The following CACNG2 variants were observed in gnomAD, a reference collection of about 807,000 sequenced individuals.
CACNG2 encodes the protein calcium voltage-gated channel auxiliary subunit gamma 2.
CACNG2 carries 3 observed loss-of-function variants against 25.9 expected under a neutral mutation model. That is an observed-to-expected ratio of 0.12 (90% confidence interval 0.05 to 0.30). CACNG2 has a LOEUF of 0.30. CACNG2 is among the 10% of genes least tolerant of loss of function. The pLI is 1.00. For missense variants in CACNG2, 341 were observed against 432.5 expected (o/e 0.79, Z 1.88); for synonymous variants, 167 against 173.3 (o/e 0.96, Z 0.29).
intron 1 of CACNG2, among the ~76,000 whole-genome samples, chr22:36,636,000 C>T (rs146803383): frequency 0.015 from 2,333 of 152,302 alleles, 58 homozygotes; most frequent in African/African-American, 0.054. Flanking sequence ...GGTATAGCTT[C>T]GCAACTGGGC....
chr22:36,685,298 C>G (rs908166644), intron 1 of CACNG2, among the ~76,000 whole-genome samples: 9 of 152,250 alleles, frequency 5.9e-5, no homozygotes, highest in African/African-American at 2.2e-4. Context: ...GAGAGGGGCC[C>G]GCCCGCGCCC....
intron 1 of CACNG2, among the ~76,000 whole-genome samples, chr22:36,602,780 CT>C (rs778462421): frequency 6.6e-6 from 1 of 152,196 alleles, no homozygotes; most frequent in Non-Finnish European, 1.5e-5. Flanking sequence ...AAGAACTGCA[CT>C]ATATAAGATG....
In CACNG2 at chr22:36,561,518, C is replaced by T. The variant is rs1299453583; in HGVS notation, c.*2833G>A. On this transcript the variant is annotated 3_prime_UTR_variant, in exon 4 of 4. Coordinates refer to ENST00000300105, the MANE Select transcript of CACNG2 (RefSeq NM_006078.5). ...GGCCGATGTTCTGCCCCTTGCTGAC[C>T]TGGGAAAATAACTTTCCTTTCCCAG... 3 of 152,310 alleles carry T rather than the reference C, an allele frequency of 2.0e-5. No individual in the cohort carries two copies. Among genetic ancestry groups the T allele is most frequent in the African/African-American group, 7.2e-5 (3 of 41,452 alleles). 9.4% of individuals were successfully genotyped at this position (152,310 alleles called of 1,614,324 possible). A position where few individuals can be genotyped will look rare whatever the true frequency, so the allele number is the denominator to read the frequency against.
chr22:36,670,743 C>A (rs1275097945), intron 1 of CACNG2, among the ~76,000 whole-genome samples: 2 of 151,262 alleles, frequency 1.3e-5, no homozygotes, highest in African/African-American at 4.9e-5. Context: ...GCGATCCTCC[C>A]ACCTCAGTCC....
chr22:36,680,641 C>T, intron 1 of CACNG2, among the ~76,000 whole-genome samples: 2 of 127,344 alleles, frequency 1.6e-5, no homozygotes, highest in African/African-American at 5.9e-5. Context: ...CTAACACCAC[C>T]ATCATTATCA....
At chr22:36,578,199 T>C (rs1235744779) in intron 2 of CACNG2, among the ~76,000 whole-genome samples, 2 of 150,218 alleles carry the variant, frequency 1.3e-5, no homozygotes, top group Non-Finnish European at 3.0e-5. Flanking sequence ...CCGTCTCTAC[T>C]AAAAAAAAAT....
chr22:36,597,801 G>A (rs1219675990), intron 1 of CACNG2, among the ~76,000 whole-genome samples: 2 of 152,208 alleles, frequency 1.3e-5, no homozygotes, highest in African/African-American at 4.8e-5. Flanking sequence ...TTTCTCATGA[G>A]CTTGCAGGAA....
chr22:36,648,097 T>G (rs1569039991), intron 1 of CACNG2, among the ~76,000 whole-genome samples: 1 of 152,220 alleles, frequency 6.6e-6, no homozygotes, highest in Non-Finnish European at 1.5e-5. Context: ...AAACATGTAT[T>G]TTTTGGTTCT....
chr22:36,611,769 G>C (rs996398228), intron 1 of CACNG2, among the ~76,000 whole-genome samples: 4 of 152,146 alleles, frequency 2.6e-5, no homozygotes, highest in African/African-American at 9.7e-5. Flanking sequence ...TGTCTGGTCA[G>C]GACCGAGGCC....
At chr22:36,599,707 A>C (rs1273350783) in intron 1 of CACNG2, among the ~76,000 whole-genome samples, 1 of 152,204 alleles carries the variant, frequency 6.6e-6, no homozygotes, top group Non-Finnish European at 1.5e-5. Flanking sequence ...CTCAAAGAAA[A>C]AAAAAAGAAT....
At chr22:36,680,059 A>G (rs114862055) in intron 1 of CACNG2, among the ~76,000 whole-genome samples, 5,301 of 151,692 alleles carry the variant, frequency 0.035, 314 homozygotes, top group African/African-American at 0.12. Flanking sequence ...CATCACTACC[A>G]CCACCATCAT....
Position 36,564,460 on chromosome 22 carries a change from T to A in CACNG2, c.863A>T (p.Tyr288Phe), listed in dbSNP as rs757960446. Residue 288 changes from tyrosine (Y) to phenylalanine (F), a missense_variant, in exon 4 of 4, where the codon TAC becomes TTC. Tyr to Phe is a conservative substitution (Grantham distance 22). Around this residue, in one of 2 missense-constraint regions of CACNG2, gnomAD observed 172 missense variants for 178.1 expected, o/e 0.97. Coordinates refer to ENST00000300105, the MANE Select transcript of CACNG2 (RefSeq NM_006078.5). The surrounding 1 kb of genome is among the most constrained non-coding windows in gnomAD (Gnocchi z 6.7). ...GAAGCTGTTATCCCTGTCGGAGTTG[T>A]AGGTGGCGGTGGGCGTGGTGGCGGC... ...LKAATTPTAT[Y>F]NSDRDNSFLQ... 7.6e-5 allele frequency: 123 copies of A among 1,613,974 alleles called. 1 individual carries two copies. Among genetic ancestry groups the A allele is most frequent in the Non-Finnish European group, 1.6e-5 (19 of 1,179,992 alleles).
At chr22:36,648,549 A>T (rs1936562739) in intron 1 of CACNG2, among the ~76,000 whole-genome samples, 1 of 152,150 alleles carries the variant, frequency 6.6e-6, no homozygotes, top group African/African-American at 2.4e-5. Flanking sequence ...GGAACATGTG[A>T]GGTTCTCTCT....
rs1190439992 is a variant in CACNG2, at chr22:36,571,882, C to CAAA, written c.296-5392_296-5390dup. On this transcript the variant is annotated intron_variant, in intron 2 of 3. Transcript: ENST00000300105. ...TCACAGCAAGATTCTGTCTCAAAAA[C>CAAA]AAAAAAAAAAAAAAAAAGAATTAAA... Among the ~76,000 whole-genome samples the CAAA allele has an allele frequency of 4.5e-3, 450 of 99,508 alleles. 3 individuals carry two copies. The highest frequency in any genetic ancestry group is 0.022 in the South Asian group (58 of 2,654). The allele number at this position is 99,508 out of a possible 152,430, so 65.3% of individuals were successfully genotyped here. A position where few individuals can be genotyped will look rare whatever the true frequency, so the allele number is the denominator to read the frequency against.
intron 1 of CACNG2, among the ~76,000 whole-genome samples, chr22:36,699,610 C>T (rs913937450): frequency 4.8e-5 from 7 of 145,792 alleles, no homozygotes; most frequent in Non-Finnish European, 7.4e-5. Context: ...CGCAATTTCT[C>T]CAGATTGGGC....
intron 1 of CACNG2, among the ~76,000 whole-genome samples, chr22:36,613,995 C>A (rs1935984445): frequency 6.6e-6 from 1 of 152,132 alleles, no homozygotes; most frequent in Non-Finnish European, 1.5e-5. Context: ...CCCTCCAACC[C>A]CCAAGTGGCT....
In CACNG2 at chr22:36,675,211, C is replaced by A. The variant is rs116348515; in HGVS notation, c.211+27155G>T. Among the ~76,000 whole-genome samples the A allele has an allele frequency of 7.7e-3, 1,165 of 151,962 alleles. 13 individuals carry two copies. Among genetic ancestry groups the A allele is most frequent in the African/African-American group, 0.027 (1,124 of 41,456 alleles). On this transcript the variant is annotated intron_variant, in intron 1 of 3. Transcript: ENST00000300105. The stretch of plus-strand genomic sequence containing the variant: ...ACCACCATACCCAGCTATTTTTTTT[C>A]TTTTTCTTTTTTTTGTAGAGATGCA...
At position 36,606,757 on chromosome 22, in the gene CACNG2, C is replaced by CGTGT. The variant is rs34178354; in HGVS notation, c.212-19213_212-19210dup. Reference sequence around the variant, plus strand: ...ACGGAAACCAGACGGTTGGGCTGTGCGTGTGTGTGTGTGTGTGTGTGTATG... The same window carrying CGTGT: ...ACGGAAACCAGACGGTTGGGCTGTGCGTGTGTGTGTGTGTGTGTGTGTGTGTATG... On this transcript the variant is annotated intron_variant, in intron 1 of 3. Transcript: ENST00000300105. The surrounding 1 kb of genome is among the most constrained non-coding windows in gnomAD (Gnocchi z 5.7). Among the ~76,000 whole-genome samples, 360 of 148,076 alleles carry CGTGT rather than the reference C, an allele frequency of 2.4e-3. 1 individual carries two copies. Among genetic ancestry groups the CGTGT allele is most frequent in the African/African-American group, 6.6e-3 (264 of 40,012 alleles).
At chr22:36,604,365 A>T (rs924750748) in intron 1 of CACNG2, among the ~76,000 whole-genome samples, 8 of 152,224 alleles carry the variant, frequency 5.3e-5, no homozygotes, top group Non-Finnish European at 1.2e-4. Flanking sequence ...TGAAATGATG[A>T]TAAAGTATTT....
Sources: gnomAD v4.1 joint callset for allele counts (sites outside exome capture counted in the v4.1 genomes callset) on GRCh38, gnomAD v4.1.1 for gene constraint, gnomAD v4.1.1 regional missense constraint, Gnocchi (gnomAD v3.1) non-coding constraint, MANE v1.5 for transcripts, NCBI Gene and HGNC (gene_info 2026-07-23, HGNC 2026-07-21) for gene names.